MYCT1: variants seen among roughly 807,000 people sequenced by gnomAD.
MYCT1 encodes the protein myc target protein 1.
MYCT1 carries 12 observed loss-of-function variants against 15.0 expected under a neutral mutation model. That is an observed-to-expected ratio of 0.80 (90% CI 0.51 to 1.29). MYCT1 has a LOEUF of 1.29. Among genes scored for constraint, MYCT1 ranks in the 50% most tolerant of loss-of-function variants. The pLI, the probability that MYCT1 is intolerant of heterozygous loss-of-function variation, is 0.00. For synonymous variants in MYCT1, 104 were observed against 102.7 expected, an observed-to-expected ratio of 1.01 and a Z score of -0.07; for missense variants, 287 against 279.1, an observed-to-expected ratio of 1.03 and a Z score of -0.20.
the MYCT1 span, among the ~76,000 whole-genome samples, chr6:152,732,357 C>A: frequency 6.6e-6 from 1 of 151,876 alleles, no homozygotes; most frequent in African/African-American, 2.4e-5. Context: ...TAGAACTAGG[C>A]ATATATGGGA....
chr6:152,720,229 T>C (rs761755223), intron 1 of MYCT1, among the ~76,000 whole-genome samples: 5 of 151,994 alleles, frequency 3.3e-5, no homozygotes, highest in African/African-American at 1.2e-4. Flanking sequence ...CTTATTTATA[T>C]GCTGACAATG....
rs199666046 is a variant in MYCT1 at position 152,697,927 on chromosome 6, T to A, written c.25T>A (p.Leu9Met). Residue 9 changes from leucine (L) to methionine (M), a missense_variant, in exon 1 of 2, where the codon TTG (leucine) becomes ATG (methionine). Leu to Met is a conservative substitution (Grantham distance 15, BLOSUM62 2). Transcript: ENST00000367245. Reference protein sequence around the residue: MRTQVYEGLCKNYFSLAVL... With the variant: MRTQVYEGMCKNYFSLAVL... ...TATGCGAACACAAGTATATGAGGGGTTGTGTAAAAATTATTTTTCTCTTGC... is the reference window on the plus strand; with the variant it reads ...TATGCGAACACAAGTATATGAGGGGATGTGTAAAAATTATTTTTCTCTTGC... 1.3e-6 allele frequency: 2 copies of A among 1,598,352 alleles called. No homozygotes were observed. Among genetic ancestry groups the A allele is most frequent in the Non-Finnish European group, 1.7e-6 (2 of 1,174,430 alleles).
the MYCT1 span, among the ~76,000 whole-genome samples, chr6:152,744,292 C>T: frequency 6.6e-6 from 1 of 152,152 alleles, no homozygotes; most frequent in Admixed American, 6.5e-5. Context: ...TCCAAGTTCC[C>T]ACATTGATTA....
intron 1 of MYCT1, among the ~76,000 whole-genome samples, chr6:152,714,947 G>T (rs2099723388): frequency 6.6e-6 from 1 of 151,994 alleles, no homozygotes; most frequent in Admixed American, 6.6e-5. Flanking sequence ...TGTGAGGTCT[G>T]GTCTTTCTCC....
At chr6:152,733,293 G>A in the MYCT1 span, among the ~76,000 whole-genome samples, 1 of 151,526 alleles carries the variant, frequency 6.6e-6, no homozygotes, top group Non-Finnish European at 1.5e-5. Context: ...TTGTAGACAT[G>A]GGGTTTTACC....
the MYCT1 span, among the ~76,000 whole-genome samples, chr6:152,739,959 C>A: frequency 5.3e-5 from 8 of 151,886 alleles, no homozygotes; most frequent in African/African-American, 7.3e-5. Context: ...CTTTAGAATT[C>A]TTAATTCAGA....
intron 1 of MYCT1, among the ~76,000 whole-genome samples, chr6:152,716,832 A>C (rs1301361822): frequency 6.6e-6 from 1 of 152,214 alleles, no homozygotes; most frequent in South Asian, 2.1e-4. Flanking sequence ...AAGGAAAGTT[A>C]ACATTTTTAA....
chr6:152,719,646 A>G (rs1000613848), intron 1 of MYCT1, among the ~76,000 whole-genome samples: 1 of 152,246 alleles, frequency 6.6e-6, no homozygotes, highest in Non-Finnish European at 1.5e-5. Flanking sequence ...CAATAAATGT[A>G]GCTTTTCCAC....
At chr6:152,717,188 T>C (rs77830739) in intron 1 of MYCT1, among the ~76,000 whole-genome samples, 3,795 of 152,246 alleles carry the variant, frequency 0.025, 136 homozygotes, top group East Asian at 0.18. Context: ...AAAAAATGTG[T>C]ATGAAAACCA....
chr6:152,738,341 G>A, the MYCT1 span, among the ~76,000 whole-genome samples: 1 of 151,964 alleles, frequency 6.6e-6, no homozygotes, highest in African/African-American at 2.4e-5. Context: ...CTTGTGAAAG[G>A]AAATATGGAG....
At position 152,721,193 on chromosome 6, in the gene MYCT1, G is replaced by C. The variant is rs115360509; in HGVS notation, c.197-549G>C. 7.2e-3 allele frequency among the ~76,000 whole-genome samples: 1,098 copies of C among 152,256 alleles called. 20 individuals carry two copies. The highest frequency in any genetic ancestry group is 0.025 in the African/African-American group (1,053 of 41,564). On this transcript the variant is annotated intron_variant, in intron 1 of 1. Transcript: ENST00000367245. ...AGTTCAGGAAATATGACATAAATCA[G>C]TCAGCTGGCCAGATGGTTCTATCCC... is the stretch of plus-strand genomic sequence containing the variant.
chr6:152,701,617 AG>A (rs200007572), intron 1 of MYCT1, among the ~76,000 whole-genome samples: 9 of 150,820 alleles, frequency 6.0e-5, no homozygotes, highest in Non-Finnish European at 8.8e-5. Context: ...TGTATTGGAG[AG>A]GGGGGACCTT....
chr6:152,729,322 T>A (rs539038441), downstream of MYCT1, among the ~76,000 whole-genome samples: 308 of 152,282 alleles, frequency 2.0e-3, 1 homozygote, highest in African/African-American at 6.9e-3. Flanking sequence ...ACAGGTTTTT[T>A]TTTTTAAGTG....
chr6:152,747,026 T>C, the MYCT1 span, among the ~76,000 whole-genome samples: 1 of 152,090 alleles, frequency 6.6e-6, no homozygotes, highest in African/African-American at 2.4e-5. Context: ...TTTACCTTTA[T>C]TGTAATATTA....
downstream of MYCT1, among the ~76,000 whole-genome samples, chr6:152,728,234 G>A (rs1051809708): frequency 2.4e-4 from 36 of 151,978 alleles, no homozygotes; most frequent in African/African-American, 8.5e-4. Context: ...AGAACAAGAG[G>A]GCTGAAACTT....
the MYCT1 span, among the ~76,000 whole-genome samples, chr6:152,745,713 A>T: frequency 6.6e-6 from 1 of 152,116 alleles, no homozygotes; most frequent in Non-Finnish European, 1.5e-5. Flanking sequence ...ATGCAGTGAC[A>T]TCTGGTCCCT....
At chr6:152,729,620 G>T in the MYCT1 span, among the ~76,000 whole-genome samples, 1 of 152,176 alleles carries the variant, frequency 6.6e-6, no homozygotes, top group Non-Finnish European at 1.5e-5. Flanking sequence ...TTCGTGGTAG[G>T]ATGAAATTGG....
At chr6:152,731,419 A>G in the MYCT1 span, among the ~76,000 whole-genome samples, 3 of 152,094 alleles carry the variant, frequency 2.0e-5, no homozygotes, top group Non-Finnish European at 4.4e-5. Context: ...TGTGCACAAC[A>G]TGCAGGTTTG....
chr6:152,746,934 A>G, the MYCT1 span, among the ~76,000 whole-genome samples: 7 of 152,184 alleles, frequency 4.6e-5, no homozygotes, highest in Non-Finnish European at 1.0e-4. Flanking sequence ...TATCATTTAG[A>G]TCATTATTTG....
Sources: gnomAD v4.1 joint callset for allele counts (sites outside exome capture counted in the v4.1 genomes callset) on GRCh38, gnomAD v4.1.1 for gene constraint, MANE v1.5 for transcripts, NCBI Gene and HGNC (gene_info 2026-07-23, HGNC 2026-07-21) for gene names.